The following WDPCP variants were observed in gnomAD, a reference collection of about 807,000 sequenced individuals.
WDPCP encodes the protein WD repeat-containing and planar cell polarity effector protein fritz homolog.
In WDPCP, 71 loss-of-function variants were observed where a neutral mutation model predicts 93.1. That is an observed-to-expected ratio of 0.76 (90% CI 0.63 to 0.93). WDPCP has a LOEUF of 0.93. Ranked by LOEUF, WDPCP falls within the 40% of genes least tolerant of loss-of-function variation. The pLI is 0.00. For missense variants in WDPCP, 844 were observed against 887.4 expected, an observed-to-expected ratio of 0.95 and a Z score of 0.62; for synonymous variants, 315 against 315.0, an observed-to-expected ratio of 1.00 and a Z score of 0.00.
intron 17 of WDPCP, among the ~76,000 whole-genome samples, chr2:63,142,970 T>C (rs1006438747): frequency 1.3e-5 from 2 of 151,822 alleles, no homozygotes; most frequent in Non-Finnish European, 2.9e-5. Flanking sequence ...ATACATATTT[T>C]GAGACAGAGT....
chr2:63,133,005 A>G (rs1670389164), intron 17 of WDPCP, among the ~76,000 whole-genome samples: 2 of 152,226 alleles, frequency 1.3e-5, no homozygotes, highest in Admixed American at 1.3e-4. Context: ...TTCTCTGTAG[A>G]CTGGCTCTTT....
chr2:63,529,828 C>T (rs1034463188), intron 1 of WDPCP, among the ~76,000 whole-genome samples: 13 of 152,174 alleles, frequency 8.5e-5, no homozygotes, highest in African/African-American at 2.6e-4. Flanking sequence ...TTCTGGTCCT[C>T]GACATTTTTT....
rs144347580 is a variant in WDPCP at position 63,259,526 on chromosome 2, T to C, written c.1813-117A>G. 7 of 870,668 alleles carry C rather than the reference T, an allele frequency of 8.0e-6. No individual in the cohort carries two copies. The East Asian group carries it at 1.1e-4, about 13-fold the overall frequency. 53.9% of individuals were successfully genotyped at this position (870,668 alleles called of 1,614,324 possible). On this transcript the variant is annotated intron_variant, in intron 13 of 17. Coordinates refer to ENST00000272321, the MANE Select transcript of WDPCP (RefSeq NM_015910.7). ...ACAAAATAGAAACAGTTTGTAAATA[T>C]TCTTTTCTGTGTTTTAAGTTTCTTA...
intron 10 of WDPCP, among the ~76,000 whole-genome samples, chr2:63,390,981 T>A (rs1454492475): frequency 6.6e-6 from 1 of 152,178 alleles, no homozygotes; most frequent in Non-Finnish European, 1.5e-5. Context: ...GTTGGTACCA[T>A]TCCTTCTGAA....
At chr2:63,681,511 C>G (rs1194635091) in intron 2 of WDPCP, among the ~76,000 whole-genome samples, 3 of 152,128 alleles carry the variant, frequency 2.0e-5, no homozygotes, top group African/African-American at 4.8e-5. Flanking sequence ...GTTTGAGTAC[C>G]AGCTCAGCTG....
At chr2:63,413,742 G>A (rs1695195126) in intron 9 of WDPCP, among the ~76,000 whole-genome samples, 1 of 152,110 alleles carries the variant, frequency 6.6e-6, no homozygotes, top group Non-Finnish European at 1.5e-5. Flanking sequence ...AGGTTGCAGT[G>A]AGCCAAGATC....
At chr2:63,169,900 T>G (rs1213037875) in intron 15 of WDPCP, among the ~76,000 whole-genome samples, 1 of 132,904 alleles carries the variant, frequency 7.5e-6, no homozygotes, top group East Asian at 1.9e-4. Context: ...TCAGTGGACT[T>G]TTTTTTTTTT....
intron 12 of WDPCP, among the ~76,000 whole-genome samples, chr2:63,368,639 T>TA (rs543071951): frequency 0.017 from 2,397 of 142,044 alleles, 59 homozygotes; most frequent in African/African-American, 0.057. Context: ...TTTATTTAAT[T>TA]AAAAAAAAAA....
intron 13 of WDPCP, among the ~76,000 whole-genome samples, chr2:63,294,481 G>A (rs533963014): frequency 8.2e-6 from 1 of 122,464 alleles, no homozygotes; most frequent in Non-Finnish European, 1.6e-5. Flanking sequence ...CTCCACTCCA[G>A]CCTGGGTGAT....
At chr2:63,258,841 T>C (rs1367914193) in intron 14 of WDPCP, among the ~76,000 whole-genome samples, 3 of 152,206 alleles carry the variant, frequency 2.0e-5, no homozygotes. Context: ...TTCAGAATAC[T>C]ATGGTTTAAA....
chr2:63,408,356 C>T (rs1313759000), intron 9 of WDPCP, among the ~76,000 whole-genome samples: 1 of 152,094 alleles, frequency 6.6e-6, no homozygotes, highest in African/African-American at 2.4e-5. Context: ...AGGTTTCTGA[C>T]CTTAACTGGA....
chr2:63,542,349 C>A (rs186897691), intron 1 of WDPCP, among the ~76,000 whole-genome samples: 2 of 152,248 alleles, frequency 1.3e-5, no homozygotes, highest in East Asian at 3.9e-4. Context: ...ACAAACACTG[C>A]AGCTGCAAGA....
chr2:63,332,138 A>G (rs1688025748), intron 12 of WDPCP, among the ~76,000 whole-genome samples: 1 of 150,932 alleles, frequency 6.6e-6, no homozygotes, highest in Non-Finnish European at 1.5e-5. Flanking sequence ...TTTTATGTAT[A>G]TGTTCCAACC....
intron 2 of WDPCP, among the ~76,000 whole-genome samples, chr2:63,786,097 T>C (rs1457065064): frequency 6.6e-6 from 1 of 152,206 alleles, no homozygotes; most frequent in Non-Finnish European, 1.5e-5. Flanking sequence ...TGGAGTGCAG[T>C]GGCGCAATCA....
the WDPCP span, among the ~76,000 whole-genome samples, chr2:63,840,384 C>T: frequency 2.0e-5 from 3 of 152,234 alleles, no homozygotes; most frequent in African/African-American, 7.2e-5. Flanking sequence ...TAGGCCAGTT[C>T]CACGTTGAAG....
chr2:63,259,045 A>G (rs867750548), intron 14 of WDPCP, among the ~76,000 whole-genome samples: 1 of 152,188 alleles, frequency 6.6e-6, no homozygotes. Flanking sequence ...TTCTCCCAAA[A>G]TCTTATGAAA....
intron 2 of WDPCP, among the ~76,000 whole-genome samples, chr2:63,742,151 T>C (rs778110105): frequency 3.3e-5 from 5 of 152,062 alleles, no homozygotes; most frequent in Non-Finnish European, 7.4e-5. Context: ...CTATCTCTAA[T>C]AGTTCATCTT....
chr2:63,616,040 G>T (rs987048406), intron 3 of WDPCP, among the ~76,000 whole-genome samples: 1 of 152,170 alleles, frequency 6.6e-6, no homozygotes, highest in Non-Finnish European at 1.5e-5. Flanking sequence ...AGATTAGTCT[G>T]TGCATGGCAT....
rs189965481 is a variant in WDPCP, at chr2:63,701,234, C to A, written n.309-50396G>T. ...TTTTCAAAAGAAGACATATAAATGA[C>A]CAATAAGAATATAAAAAAAAATGCT... On this transcript the variant is annotated intron_variant and non_coding_transcript_variant, in intron 2 of 4. Coordinates refer to the WDPCP transcript ENST00000467687. 3.9e-5 allele frequency among the ~76,000 whole-genome samples: 6 copies of A among 151,992 alleles called. No homozygotes were observed. In the East Asian group the frequency reaches 1.2e-3, roughly 29 times the overall value.
Sources: allele counts gnomAD v4.1 joint callset (sites outside exome capture counted in the v4.1 genomes callset), GRCh38; gene constraint gnomAD v4.1.1; transcripts MANE v1.5; gene names NCBI Gene and HGNC (gene_info 2026-07-23, HGNC 2026-07-21).